EDEM1: variants seen among roughly 807,000 people sequenced by gnomAD.
The protein encoded by EDEM1 is ER degradation-enhancing alpha-mannosidase-like protein 1.
In EDEM1, 67 loss-of-function variants were observed where a neutral mutation model predicts 74.4. The ratio of observed to expected loss-of-function variants is 0.90; its 90% CI spans 0.74 to 1.10. EDEM1 has a LOEUF of 1.10. EDEM1 is among the 50% of genes least tolerant of loss of function. The probability of loss-of-function intolerance (pLI) is 0.00; values close to 1 mark genes in which losing one functional copy is unlikely to be tolerated. For synonymous variants in EDEM1, 382 were observed against 335.9 expected, an observed-to-expected ratio of 1.14 and a Z score of -1.50; for missense variants, 926 against 851.6, an observed-to-expected ratio of 1.09 and a Z score of -1.09.
At chr3:5,188,533 A>C (rs1387186890) in intron 1 of EDEM1, 1 of 433,264 alleles carries the variant, frequency 2.3e-6, no homozygotes, top group Non-Finnish European at 3.9e-6. Context: ...ATTCTCCCGG[A>C]ATCTCCAAAC....
chr3:5,208,301 C>A (rs761944774), intron 8 of EDEM1, 38 bp downstream of exon 8: 2 of 1,585,944 alleles, frequency 1.3e-6, no homozygotes, highest in Non-Finnish European at 1.7e-6. Flanking sequence ...CCTTTCACTG[C>A]CTCCCCTGAC....
At chr3:5,198,331 A>T (rs969715382) in intron 2 of EDEM1, among the ~76,000 whole-genome samples, 2 of 152,188 alleles carry the variant, frequency 1.3e-5, no homozygotes, top group African/African-American at 2.4e-5. Context: ...TACAGACCTG[A>T]GCCACCGTGT....
Position 5,201,767 on chromosome 3 carries a change from T to G in EDEM1, c.701T>G (p.Leu234Arg), listed in dbSNP as rs776022152. 1.2e-6 allele frequency: 2 copies of G among 1,614,086 alleles called. No homozygotes were observed. Among genetic ancestry groups the G allele is most frequent in the African/African-American group, 1.3e-5 (1 of 74,934 alleles). ...CCTGTCATTAGGGTCCTGGGAAGCC[T>G]CCTTTCTGCTCACAGAATAATAACT... ...FEATIRVLGS[L>R]LSAHRIITDS... is the part of the protein sequence containing the mutation. Residue 234 changes from leucine (L) to arginine (R), a missense_variant, in exon 4 of 12, where the codon CTC becomes CGC. By Grantham distance (102) the Leu-to-Arg change is moderately radical. Transcript: ENST00000256497.
chr3:5,214,867 A>G (rs1373148563), intron 11 of EDEM1, among the ~76,000 whole-genome samples: 1 of 152,214 alleles, frequency 6.6e-6, no homozygotes, highest in Non-Finnish European at 1.5e-5. Context: ...GGATAGGAGC[A>G]TGGCCTAGTG....
Position 5,188,101 on chromosome 3 carries a change from A to C in EDEM1, c.296A>C (p.Asn99Thr). The C allele has an allele frequency of 6.6e-7, 1 of 1,510,886 alleles. No individual in the cohort carries two copies. Among genetic ancestry groups the C allele is most frequent in the South Asian group, 1.2e-5 (1 of 80,128 alleles). The allele number at this position is 1,510,886 out of a possible 1,614,324, so 93.6% of individuals were successfully genotyped here. A position where few individuals can be genotyped will look rare whatever the true frequency, so the allele number is the denominator to read the frequency against. ...RPGPGMCGPA[N>T]WGYVLGGRGR... Reference sequence around the variant, plus strand: ...GGGCCGGGGATGTGCGGCCCAGCCAACTGGGGCTACGTGCTGGGCGGCCGG... The same window carrying C: ...GGGCCGGGGATGTGCGGCCCAGCCACCTGGGGCTACGTGCTGGGCGGCCGG... The change falls in exon 1 of 12, where the codon AAC (asparagine) becomes ACC (threonine). Residue 99 changes from asparagine (N) to threonine (T), a missense_variant. Coordinates refer to ENST00000256497, the MANE Select transcript of EDEM1 (RefSeq NM_014674.3).
intron 1 of EDEM1, 196 bp downstream of exon 1, chr3:5,188,510 C>T: frequency 2.1e-6 from 1 of 482,586 alleles, no homozygotes. Context: ...GGGCCGGTGG[C>T]CTTCCTCTCC....
In EDEM1 at chr3:5,219,708, A is replaced by G. The variant is rs1309317696; in HGVS notation, c.*3790A>G. 1 of 152,682 alleles carries G rather than the reference A, an allele frequency of 6.5e-6. No individual in the cohort carries two copies. The highest frequency in any genetic ancestry group is 1.5e-5 in the Non-Finnish European group (1 of 68,046). The allele number at this position is 152,682 out of a possible 1,614,324, so 9.5% of individuals were successfully genotyped here. A position where few individuals can be genotyped will look rare whatever the true frequency, so the allele number is the denominator to read the frequency against. On this transcript the variant is annotated 3_prime_UTR_variant, in exon 12 of 12. Coordinates refer to ENST00000256497, the MANE Select transcript of EDEM1 (RefSeq NM_014674.3). ...GAAAGGTAAATCTTTTTACAAAAAA[A>G]AGTATAGAGTTGGAAACTCTGGGAA... is the stretch of plus-strand genomic sequence containing the variant.
rs2055011816 is a variant in EDEM1, at chr3:5,199,691, A to G, written c.682A>G (p.Ile228Val). 2.5e-6 allele frequency: 4 copies of G among 1,606,222 alleles called. No individual in the cohort carries two copies. The highest frequency in any genetic ancestry group is 1.7e-5 in the Admixed American group (1 of 58,108). ...DSTVQVFEAT[I>V]RVLGSLLSAH... ...CACCGTCCAAGTCTTTGAGGCCACG[A>G]TAAGGTAAAATAATGAATATTCATA... Residue 228 changes from isoleucine to valine, a missense_variant, in exon 3 of 12, where the codon ATA (isoleucine) becomes GTA (valine). Physicochemically the swap from Ile to Val is conservative, Grantham distance 29. Transcript: ENST00000256497.
chr3:5,206,052 G>C (rs1206682679), intron 6 of EDEM1, among the ~76,000 whole-genome samples: 1 of 151,956 alleles, frequency 6.6e-6, no homozygotes, highest in Non-Finnish European at 1.5e-5. Flanking sequence ...TTTTATACTT[G>C]GTGATAGAAA....
intron 2 of EDEM1, among the ~76,000 whole-genome samples, chr3:5,195,682 C>A (rs2106590120): frequency 1.3e-5 from 2 of 152,322 alleles, no homozygotes; most frequent in Middle Eastern, 6.8e-3. Context: ...ACTGGCTCCC[C>A]CAGGAGCAAG....
chr3:5,200,021 C>T (rs1202326434), intron 3 of EDEM1, among the ~76,000 whole-genome samples: 3 of 151,654 alleles, frequency 2.0e-5, no homozygotes, highest in Non-Finnish European at 4.4e-5. Context: ...CTGCAATCTC[C>T]ACCTCCCAGG....
At chr3:5,195,481 C>T (rs1288415048) in intron 2 of EDEM1, among the ~76,000 whole-genome samples, 200 bp downstream of exon 2, 2 of 151,482 alleles carry the variant, frequency 1.3e-5, no homozygotes, top group African/African-American at 2.4e-5. Flanking sequence ...AAATGTGATT[C>T]CATTAAAAAA....
rs2055227771 is a variant in EDEM1 at position 5,215,829 on chromosome 3, T to C, written c.1885T>C (p.Cys629Arg). Residue 629 changes from cysteine to arginine, a missense_variant and splice_region_variant, in exon 12 of 12, where the codon TGC becomes CGC. Transcript: ENST00000256497. ...TTTTCCCTCGTTTTTGTCTTTCTAG[T>C]GCAATCGTGTACCTGATGAGAGGAG... ...ELKVINSSSN[C>R]NRVPDERRYS... 1 of 1,613,218 alleles carries C rather than the reference T, an allele frequency of 6.2e-7. No homozygotes were observed. Among genetic ancestry groups the C allele is most frequent in the African/African-American group, 1.3e-5 (1 of 74,902 alleles).
intron 1 of EDEM1, among the ~76,000 whole-genome samples, chr3:5,194,565 C>T (rs1244925375): frequency 6.6e-6 from 1 of 152,040 alleles, no homozygotes; most frequent in Non-Finnish European, 1.5e-5. Flanking sequence ...GTGGCAGAAA[C>T]GTTTATGTAG....
Position 5,195,251 on chromosome 3 carries a change from G to T in EDEM1, c.552G>T (p.Leu184Phe). The T allele has an allele frequency of 6.4e-7, 1 of 1,568,458 alleles. No homozygotes were observed. The highest frequency in any genetic ancestry group is 1.2e-5 in the South Asian group (1 of 84,398). Residue 184 changes from leucine to phenylalanine, a missense_variant, in exon 2 of 12, where the codon TTG (leucine) becomes TTT (phenylalanine). Transcript: ENST00000256497. ...NINDVLGNYSLTLVDALDTLA... is the reference protein window; with the variant it reads ...NINDVLGNYSFTLVDALDTLA... ...ATGATGTACTAGGGAACTACTCATT[G>T]ACTCTTGTTGATGCATTGGATACAC...
In EDEM1 at chr3:5,204,666, G is replaced by A. The variant is rs542688656; in HGVS notation, c.1043-401G>A. Among the ~76,000 whole-genome samples, 5 of 152,104 alleles carry A rather than the reference G, an allele frequency of 3.3e-5. No homozygotes were observed. The South Asian group carries it at 6.2e-4, about 19-fold the overall frequency. On this transcript the variant is annotated intron_variant, in intron 5 of 11. Coordinates refer to ENST00000256497, the MANE Select transcript of EDEM1 (RefSeq NM_014674.3). ...CTCGGCTTCCCAAAGTGCTGGGATT[G>A]TAAGTGTGAGCCATCATGCCTGGCC... is the stretch of plus-strand genomic sequence containing the variant.
chr3:5,208,130 A>G lies in EDEM1; in HGVS notation c.1376A>G (p.His459Arg). ...IGDVEDAICL[H>R]AFYYAIWKRY... Reference sequence around the variant, plus strand: ...GATGTGGAAGATGCCATCTGCCTTCATGCCTTCTACTATGCCATATGGAAA... The same window carrying G: ...GATGTGGAAGATGCCATCTGCCTTCGTGCCTTCTACTATGCCATATGGAAA... The change falls in exon 8 of 12, where the codon CAT becomes CGT. Residue 459 changes from histidine to arginine, a missense_variant. By Grantham distance (29) the His-to-Arg change is conservative. Transcript: ENST00000256497. 6.2e-7 allele frequency: 1 copy of G among 1,607,410 alleles called. No homozygotes were observed. The highest frequency in any genetic ancestry group is 8.5e-7 in the Non-Finnish European group (1 of 1,178,254).
rs765365530 is a variant in EDEM1, at chr3:5,208,304, C to T, written c.1509+41C>T. The stretch of plus-strand genomic sequence containing the variant: ...TTTTTTTTTTTTCCTTTCACTGCCT[C>T]CCCTGACCCCAGCAGTTCATTCTTA... On this transcript the variant is annotated intron_variant, in intron 8 of 11. Transcript: ENST00000256497. 581 of 1,586,214 alleles carry T rather than the reference C, an allele frequency of 3.7e-4. 2 individuals are homozygous for T. Among genetic ancestry groups the T allele is most frequent in the Middle Eastern group, 5.0e-4 (3 of 6,016 alleles).
At position 5,215,999 on chromosome 3, in the gene EDEM1, A is replaced by G; in HGVS notation, c.*81A>G. Reference sequence around the variant, plus strand: ...ATGCCAAAGTCCAGTCTGAAATGAAAGGGGACAGAAGTCTTGCTGTCCATG... The same window carrying G: ...ATGCCAAAGTCCAGTCTGAAATGAAGGGGGACAGAAGTCTTGCTGTCCATG... On this transcript the variant is annotated 3_prime_UTR_variant, in exon 12 of 12. Transcript: ENST00000256497. 1.7e-6 allele frequency: 2 copies of G among 1,176,560 alleles called. No individual in the cohort carries two copies. Among genetic ancestry groups the G allele is most frequent in the Non-Finnish European group, 2.5e-6 (2 of 808,646 alleles). The allele number at this position is 1,176,560 out of a possible 1,614,324, so 72.9% of individuals were successfully genotyped here. A position where few individuals can be genotyped will look rare whatever the true frequency, so the allele number is the denominator to read the frequency against.
Sources: gnomAD v4.1 joint callset for allele counts (sites outside exome capture counted in the v4.1 genomes callset) on GRCh38, gnomAD v4.1.1 for gene constraint, MANE v1.5 for transcripts, NCBI Gene and HGNC (gene_info 2026-07-23, HGNC 2026-07-21) for gene names.